The following SNED1 variants were observed in gnomAD, a reference collection of about 807,000 sequenced individuals.
The protein encoded by SNED1 is sushi, nidogen and EGF like domains 1, also known as sushi, nidogen and EGF-like domain-containing protein 1.
Under a neutral mutation model 166.7 loss-of-function variants are expected in SNED1, and 81 were observed. The observed-to-expected ratio is 0.49, with a 90% CI of 0.41 to 0.58. The LOEUF (loss-of-function observed/expected upper bound fraction) is 0.58. Among genes scored for constraint, SNED1 ranks in the 20% least tolerant of loss-of-function variants. The probability of loss-of-function intolerance (pLI) is 0.00; values close to 1 mark genes in which losing one functional copy is unlikely to be tolerated. For missense variants in SNED1, 1,604 were observed against 2,000.2 expected (o/e 0.80, Z 3.78); for synonymous variants, 762 against 822.0 (o/e 0.93, Z 1.25).
Position 240,999,142 on chromosome 2 carries a change from C to A in SNED1, c.213+92C>A. ...CGGGCCCGGACTCCCGCCGCCGCCG[C>A]CAGCCACTTGGCACCGGGGCGGCCC... On this transcript the variant is annotated intron_variant, in intron 1 of 31. Transcript: ENST00000310397. This position sits in a 1 kb window ranked among gnomAD's most constrained non-coding sequence, Gnocchi z 5.8. 1.3e-6 allele frequency: 1 copy of A among 758,658 alleles called. No individual in the cohort carries two copies. The highest frequency in any genetic ancestry group is 1.8e-6 in the Non-Finnish European group (1 of 567,954). The allele number at this position is 758,658 out of a possible 1,614,324, so 47.0% of individuals were successfully genotyped here. A position where few individuals can be genotyped will look rare whatever the true frequency, so the allele number is the denominator to read the frequency against.
intron 1 of SNED1, among the ~76,000 whole-genome samples, chr2:241,020,962 T>C (rs2124909701): frequency 6.6e-6 from 1 of 152,164 alleles, no homozygotes; most frequent in East Asian, 1.9e-4. Flanking sequence ...TCAACAGCAA[T>C]TCCACCTTCA....
chr2:241,031,890 G>A (rs903434924), intron 2 of SNED1, among the ~76,000 whole-genome samples: 14 of 152,250 alleles, frequency 9.2e-5, no homozygotes, highest in East Asian at 1.9e-4. Flanking sequence ...AGCACCAAGC[G>A]GCACGTGAAT....
intron 1 of SNED1, chr2:241,010,095 C>T (rs2060344805): frequency 6.6e-6 from 1 of 152,278 alleles, no homozygotes; most frequent in African/African-American, 2.4e-5. Flanking sequence ...TGCTGTTTCA[C>T]TCTTGGCAGA....
rs538079685 is a variant in SNED1, at chr2:241,062,806, G to A, written c.2273G>A (p.Arg758Gln). The A allele has an allele frequency of 3.9e-5, 62 of 1,610,012 alleles. No homozygotes were observed. The highest frequency in any genetic ancestry group is 2.4e-4 in the South Asian group (22 of 90,012). Residue 758 changes from arginine (R) to glutamine (Q), a missense_variant, in exon 17 of 32, where the codon CGG (arginine) becomes CAG (glutamine). Physicochemically the swap from Arg to Gln is conservative, Grantham distance 43. Coordinates refer to ENST00000310397, the MANE Select transcript of SNED1 (RefSeq NM_001080437.3). Reference protein sequence around the residue: ...PPQCLEIDECRSQPCLHGGSC... With the variant: ...PPQCLEIDECQSQPCLHGGSC... ...CTCCTCTCAGAAATCGATGAGTGCC[G>A]GTCTCAGCCGTGCCTGCATGGGGGC... is the stretch of plus-strand genomic sequence containing the variant.
chr2:241,084,241 A>G (rs1005738041), intron 29 of SNED1, among the ~76,000 whole-genome samples: 1 of 151,250 alleles, frequency 6.6e-6, no homozygotes, highest in African/African-American at 2.4e-5. Context: ...GGTTCAAGCA[A>G]TTCTCCTGCC....
intron 12 of SNED1, 78 bp downstream of exon 12, chr2:241,050,011 GTC>G (rs779081674): frequency 1.9e-6 from 2 of 1,045,634 alleles, no homozygotes; most frequent in Non-Finnish European, 3.0e-6. Context: ...CTTCTCTGCT[GTC>G]TCTCTCCTTG....
chr2:241,062,566 G>C (rs1255659496), intron 16 of SNED1, among the ~76,000 whole-genome samples: 1 of 152,124 alleles, frequency 6.6e-6, no homozygotes, highest in East Asian at 1.9e-4. Context: ...GAGCCCTGGG[G>C]TGGTTTCAAG....
chr2:241,072,135 C>T (rs1232472009), intron 26 of SNED1: 8 of 692,174 alleles, frequency 1.2e-5, no homozygotes, highest in East Asian at 2.7e-5. Context: ...TGGTAGGGCA[C>T]GCAAGAGAAG....
chr2:241,048,612 C>T (rs1374297809), intron 9 of SNED1, 50 bp from the exon 10 acceptor site: 3 of 1,538,606 alleles, frequency 1.9e-6, no homozygotes, highest in Non-Finnish European at 2.7e-6. Flanking sequence ...AGCGAGGGTG[C>T]CATCTTTCTG....
intron 27 of SNED1, among the ~76,000 whole-genome samples, chr2:241,078,104 G>T (rs2063117298): frequency 6.6e-6 from 1 of 152,194 alleles, no homozygotes; most frequent in Admixed American, 6.6e-5. Context: ...AGGAAAAGTG[G>T]CCGGGCGCGG....
At chr2:241,050,136 G>GC (rs1310779851) in intron 12 of SNED1, 2 of 632,224 alleles carry the variant, frequency 3.2e-6, no homozygotes, top group African/African-American at 3.6e-5. Flanking sequence ...CCAGTGCCAG[G>GC]CCTGCTGGTC....
Position 241,092,986 on chromosome 2 carries a change from C to T in SNED1, c.*1350C>T, listed in dbSNP as rs554239009. 1 of 152,264 alleles carries T rather than the reference C, an allele frequency of 6.6e-6. No individual in the cohort carries two copies. The highest frequency in any genetic ancestry group is 2.4e-5 in the African/African-American group (1 of 41,466). 9.4% of individuals were successfully genotyped at this position (152,264 alleles called of 1,614,324 possible). On this transcript the variant is annotated 3_prime_UTR_variant, in exon 32 of 32. Transcript: ENST00000310397. The surrounding 1 kb of genome is among the most constrained non-coding windows in gnomAD (Gnocchi z 4.6). ...GCATTCCAGCCACAAAGAGGGCCTC[C>T]TTCCTTTCCTCTTTCATAAAAATGT...
upstream of SNED1, among the ~76,000 whole-genome samples, chr2:240,998,568 C>A (rs900520144): frequency 1.3e-5 from 2 of 152,126 alleles, no homozygotes; most frequent in Non-Finnish European, 2.9e-5. Context: ...CCCGCCCCCC[C>A]GAGTGACCGC....
intron 25 of SNED1, 21 bp from the exon 26 acceptor site, chr2:241,071,775 A>G: frequency 7.1e-7 from 1 of 1,412,054 alleles, no homozygotes; most frequent in Non-Finnish European, 9.4e-7. Flanking sequence ...GACTGTGGTG[A>G]CCCTCCCACC....
chr2:241,087,395 TAA>T lies in SNED1; in HGVS notation c.4128_4129del (p.Arg1377SerfsTer15), dbSNP rs756678043. The T allele has an allele frequency of 6.3e-7, 1 of 1,596,794 alleles. No individual in the cohort carries two copies. Among genetic ancestry groups the T allele is most frequent in the South Asian group, 1.1e-5 (1 of 87,828 alleles). ...WEGGVCHHVY[K>X]RVYRVHQDIC... ...CAAAGCTTTCTTGTGACAACAGGTA[TAA>T]AAGAGTCTACCGAGTTCACCAAGAC... On this transcript the variant is annotated frameshift_variant, in exon 30 of 32. Coordinates refer to ENST00000310397, the MANE Select transcript of SNED1 (RefSeq NM_001080437.3). LOFTEE classifies it high-confidence loss of function.
intron 8 of SNED1, among the ~76,000 whole-genome samples, chr2:241,043,913 C>T (rs565063906): frequency 1.3e-5 from 2 of 152,178 alleles, no homozygotes; most frequent in East Asian, 3.9e-4. Context: ...TTATAGTTTA[C>T]CAACTCCAAT....
At chr2:241,047,633 T>TA (rs1421253608) in intron 8 of SNED1, among the ~76,000 whole-genome samples, 3 of 152,012 alleles carry the variant, frequency 2.0e-5, no homozygotes, top group Non-Finnish European at 2.9e-5. Flanking sequence ...AGCAGAAAGA[T>TA]ATCTGGAAAA....
Position 241,053,197 on chromosome 2 carries a change from C to G in SNED1, c.2128C>G (p.Arg710Gly). The change falls in exon 16 of 32, where the codon CGC becomes GGC. Residue 710 changes from arginine (R) to glycine (G), a missense_variant. By Grantham distance (125) the Arg-to-Gly change is moderately radical (BLOSUM62 -2). Coordinates refer to ENST00000310397, the MANE Select transcript of SNED1 (RefSeq NM_001080437.3). Reference protein sequence around the residue: ...PPEEVKHATLRFNGTRLGAVA... With the variant: ...PPEEVKHATLGFNGTRLGAVA... ...GGAGGAGGTGAAGCACGCCACACTG[C>G]GCTTCAACGGCACGCGGCTGGGCGC... 6.2e-7 allele frequency: 1 copy of G among 1,611,020 alleles called. No individual in the cohort carries two copies. Among genetic ancestry groups the G allele is most frequent in the Non-Finnish European group, 8.5e-7 (1 of 1,179,444 alleles).
chr2:241,034,657 C>T lies in SNED1; in HGVS notation c.732C>T (p.Asn244=), dbSNP rs74000320. The T allele has an allele frequency of 6.0e-4, 974 of 1,610,822 alleles. 4 individuals carry two copies. The African/African-American group carries it at 9.8e-3, about 16-fold the overall frequency. ...ADMAEVETTT[N]VGVPGRWAFR... is the part of the protein sequence containing the mutation. ...TGGCCGAGGTGGAGACCACCACCAA[C>T]GTGGGTGTGCCCGGGCGCTGGGCGT... Residue 244 remains asparagine, a synonymous_variant, in exon 4 of 32, where the codon AAC becomes AAT. Transcript: ENST00000310397.
Sources: allele counts gnomAD v4.1 joint callset (sites outside exome capture counted in the v4.1 genomes callset), GRCh38; gene constraint gnomAD v4.1.1; non-coding constraint Gnocchi (gnomAD v3.1); transcripts MANE v1.5; gene names NCBI Gene and HGNC (gene_info 2026-07-23, HGNC 2026-07-21).